The following MICAL3 variants were observed in gnomAD, a reference collection of about 807,000 sequenced individuals.
MICAL3 encodes [F-actin]-monooxygenase MICAL3.
MICAL3 carries 62 observed loss-of-function variants against 207.4 expected under a neutral mutation model. The observed-to-expected ratio is 0.30, with a 90% CI of 0.24 to 0.37. The LOEUF is 0.37. Ranked by LOEUF, MICAL3 falls within the 10% of genes least tolerant of loss-of-function variation. The pLI, the probability that MICAL3 is intolerant of heterozygous loss-of-function variation, is 1.00. For missense variants in MICAL3, 2,368 were observed against 2,635.6 expected (o/e 0.90, Z 2.22); for synonymous variants, 1,077 against 1,069.3 (o/e 1.01, Z -0.14).
chr22:17,876,788 GGTT>G (rs1928460006), intron 16 of MICAL3: 1 of 136,822 alleles, frequency 7.3e-6, no homozygotes, highest in Non-Finnish European at 1.5e-5. Context: ...AGGTTAGGGA[GGTT>G]AGGGAAGTTA....
At chr22:17,861,444 G>C in intron 19 of MICAL3, 1 of 985,406 alleles carries the variant, frequency 1.0e-6, no homozygotes, top group Non-Finnish European at 1.2e-6. Flanking sequence ...ATGAGCACTC[G>C]GGGAAAAAGC....
At chr22:17,860,830 G>C in intron 19 of MICAL3, 1 of 985,466 alleles carries the variant, frequency 1.0e-6, no homozygotes, top group Non-Finnish European at 1.2e-6. Context: ...CATCCCCAAA[G>C]CCCTGACCTG....
At position 17,837,100 on chromosome 22, in the gene MICAL3, C is replaced by T. The variant is rs112334640; in HGVS notation, c.2801+4722G>A. ...TGCAAACCCTCTCCTGCTGAGGAGGCGGCTGGAGAAGATGCACATCATGCA... is the reference window on the plus strand; with the variant it reads ...TGCAAACCCTCTCCTGCTGAGGAGGTGGCTGGAGAAGATGCACATCATGCA... On this transcript the variant is annotated intron_variant, in intron 20 of 31. Coordinates refer to ENST00000441493, the MANE Select transcript of MICAL3 (RefSeq NM_015241.3). Among the ~76,000 whole-genome samples, 580 of 152,342 alleles carry T rather than the reference C, an allele frequency of 3.8e-3. 1 individual carries two copies. Among genetic ancestry groups the T allele is most frequent in the Non-Finnish European group, 5.9e-3 (401 of 68,030 alleles).
At chr22:17,907,899 C>T (rs1373134441) in intron 1 of MICAL3, among the ~76,000 whole-genome samples, 1 of 152,134 alleles carries the variant, frequency 6.6e-6, no homozygotes, top group East Asian at 1.9e-4. Flanking sequence ...CACCCTGAAT[C>T]GAATTGAACA....
At chr22:17,854,360 G>C (rs1925674555) in intron 19 of MICAL3, among the ~76,000 whole-genome samples, 1 of 152,166 alleles carries the variant, frequency 6.6e-6, no homozygotes, top group African/African-American at 2.4e-5. Flanking sequence ...CCCTGGCTTA[G>C]AAGTTATATC....
chr22:17,792,069 G>A (rs916605187), intron 29 of MICAL3, among the ~76,000 whole-genome samples: 1 of 152,196 alleles, frequency 6.6e-6, no homozygotes, highest in African/African-American at 2.4e-5. Context: ...AACAGGTGCC[G>A]ATACCAAACC....
intron 29 of MICAL3, among the ~76,000 whole-genome samples, chr22:17,808,569 G>A (rs979381808): frequency 6.6e-6 from 1 of 152,234 alleles, no homozygotes; most frequent in African/African-American, 2.4e-5. Context: ...GGAGGGGGAA[G>A]AGCCAGCGCT....
intron 28 of MICAL3, among the ~76,000 whole-genome samples, chr22:17,810,494 C>A (rs1028033927): frequency 8.5e-5 from 13 of 152,226 alleles, no homozygotes; most frequent in African/African-American, 3.1e-4. Flanking sequence ...CCACCACGCC[C>A]AGCCTGCTCT....
intron 17 of MICAL3, among the ~76,000 whole-genome samples, chr22:17,869,975 C>G (rs1309287730): frequency 6.6e-6 from 1 of 152,194 alleles, no homozygotes; most frequent in East Asian, 1.9e-4. Flanking sequence ...ACTTCTGAGA[C>G]ACTTGGCAAC....
chr22:17,865,733 G>A (rs560307037), intron 18 of MICAL3, among the ~76,000 whole-genome samples, 191 bp downstream of exon 18: 3 of 152,330 alleles, frequency 2.0e-5, no homozygotes, highest in South Asian at 4.1e-4. Context: ...TTACCTTAGC[G>A]AGGCAACCTC....
At chr22:17,892,819 A>C (rs570664792) in intron 11 of MICAL3, among the ~76,000 whole-genome samples, 37 of 152,286 alleles carry the variant, frequency 2.4e-4, no homozygotes, top group African/African-American at 7.9e-4. Flanking sequence ...CAAATGACTC[A>C]AACCTCTCAA....
At chr22:17,958,669 T>TCAG (rs1934744436) in intron 1 of MICAL3, among the ~76,000 whole-genome samples, 1 of 151,848 alleles carries the variant, frequency 6.6e-6, no homozygotes, top group African/African-American at 2.4e-5. Flanking sequence ...CAGCCTGGTC[T>TCAG]CAGGGCCTGT....
Position 17,896,257 on chromosome 22 carries a change from C to G in MICAL3, c.1311G>C (p.Val437=), listed in dbSNP as rs923048955. Residue 437 remains valine (V), a synonymous_variant, in exon 9 of 32, where the codon GTG becomes GTC. Coordinates refer to ENST00000441493, the MANE Select transcript of MICAL3 (RefSeq NM_015241.3). ...TTACTTCCCATTACCTCTCTGCCAGCACTTCCAAAGGGCTCGTTCCTAGAG... is the reference window on the plus strand; with the variant it reads ...TTACTTCCCATTACCTCTCTGCCAGGACTTCCAAAGGGCTCGTTCCTAGAG... ...SWSLGTSPLE[V]LAERESIYRL... is the part of the protein sequence containing the mutation. 6.4e-7 allele frequency: 1 copy of G among 1,553,666 alleles called. No homozygotes were observed. Among genetic ancestry groups the G allele is most frequent in the Middle Eastern group, 1.7e-4 (1 of 6,000 alleles).
At chr22:17,936,948 A>G (rs1933561364) in intron 1 of MICAL3, among the ~76,000 whole-genome samples, 1 of 152,170 alleles carries the variant, frequency 6.6e-6, no homozygotes, top group African/African-American at 2.4e-5. Flanking sequence ...CCTCTGCAAG[A>G]GCACAGTGAT....
chr22:17,952,737 T>C (rs917319967), intron 1 of MICAL3, among the ~76,000 whole-genome samples: 2 of 152,124 alleles, frequency 1.3e-5, no homozygotes, highest in Non-Finnish European at 2.9e-5. Context: ...CAGGTGCCAG[T>C]TCTGCAGGAT....
At chr22:17,908,039 G>T (rs953952824) in intron 1 of MICAL3, among the ~76,000 whole-genome samples, 1 of 152,216 alleles carries the variant, frequency 6.6e-6, no homozygotes, top group East Asian at 1.9e-4. Flanking sequence ...ACCGGCTCCT[G>T]TGAGTCTGCA....
chr22:17,816,030 G>T (rs1167598649), intron 27 of MICAL3, among the ~76,000 whole-genome samples: 1 of 152,214 alleles, frequency 6.6e-6, no homozygotes, highest in East Asian at 1.9e-4. Context: ...AGGCCCCAGG[G>T]CTGGACAGTG....
chr22:18,019,739 G>T, intron 1 of MICAL3: 1 of 219,672 alleles, frequency 4.6e-6, no homozygotes. Context: ...GATCAGGGAA[G>T]CTTTGGCAGA....
intron 1 of MICAL3, among the ~76,000 whole-genome samples, chr22:18,003,021 G>C: frequency 6.6e-6 from 1 of 151,874 alleles, no homozygotes; most frequent in Middle Eastern, 3.2e-3. Context: ...TTAGCTGGGC[G>C]TGGTGGTGGG....
Sources: gnomAD v4.1 joint callset for allele counts (sites outside exome capture counted in the v4.1 genomes callset) on GRCh38, gnomAD v4.1.1 for gene constraint, MANE v1.5 for transcripts, NCBI Gene and HGNC (gene_info 2026-07-23, HGNC 2026-07-21) for gene names.